The following MYO1B variants were observed in gnomAD, a reference collection of about 807,000 sequenced individuals.
The protein encoded by MYO1B is unconventional myosin-Ib.
In MYO1B, 72 loss-of-function variants were observed where a neutral mutation model predicts 159.7. That is an observed-to-expected ratio of 0.45 (90% CI 0.37 to 0.55). MYO1B has a LOEUF of 0.55. MYO1B is among the 20% of genes least tolerant of loss of function. The pLI, the probability that MYO1B is intolerant of heterozygous loss-of-function variation, is 0.00. For missense variants in MYO1B, 1,062 were observed against 1,364.8 expected, an observed-to-expected ratio of 0.78 and a Z score of 3.50; for synonymous variants, 468 against 473.8, an observed-to-expected ratio of 0.99 and a Z score of 0.16.
In MYO1B at chr2:191,308,941, G is replaced by C. The variant is rs148295511; in HGVS notation, c.251+12715G>C. On this transcript the variant is annotated intron_variant, in intron 3 of 30. Coordinates refer to ENST00000392318, the MANE Select transcript of MYO1B (RefSeq NM_001130158.3). ...GCTGGCTGCTCCATATCCAGCCTCC[G>C]CATTCCCGTGGCAAGTCCAGGGGCT... Among the ~76,000 whole-genome samples the C allele has an allele frequency of 2.6e-5, 4 of 152,180 alleles. No individual in the cohort carries two copies. The South Asian group carries it at 8.3e-4, about 32-fold the overall frequency.
At chr2:191,298,759 G>C (rs1947456) in intron 3 of MYO1B, among the ~76,000 whole-genome samples, 80,502 of 152,012 alleles carry the variant, frequency 0.53, 22,064 homozygotes, top group East Asian at 0.65. Context: ...ATTTCATTCT[G>C]AAAATAATCT....
chr2:191,258,837 T>C (rs893341847), intron 1 of MYO1B, among the ~76,000 whole-genome samples: 2 of 152,224 alleles, frequency 1.3e-5, no homozygotes, highest in Non-Finnish European at 1.5e-5. Context: ...TACTTAGCAC[T>C]GGTTGCCAGT....
rs546740934 is a variant in MYO1B, at chr2:191,325,787, A to T, written c.252-4148A>T. ...ACAGAAATAAGATGGGAGAGGAACA[A>T]AAATACCAGCTAGACAATTGTGAAC... On this transcript the variant is annotated intron_variant, in intron 3 of 30. Transcript: ENST00000392318. Among the ~76,000 whole-genome samples, 5 of 152,288 alleles carry T rather than the reference A, an allele frequency of 3.3e-5. No individual in the cohort carries two copies. In the South Asian group the frequency reaches 1.0e-3, roughly 32 times the overall value.
intron 19 of MYO1B, 51 bp from the exon 20 acceptor site, chr2:191,393,022 C>T: frequency 6.5e-7 from 1 of 1,550,078 alleles, no homozygotes; most frequent in Non-Finnish European, 8.8e-7. Flanking sequence ...TTCCTGTATG[C>T]TGTGAGGTTT....
intron 18 of MYO1B, among the ~76,000 whole-genome samples, chr2:191,390,894 A>G (rs560525103): frequency 1.3e-5 from 2 of 152,236 alleles, no homozygotes; most frequent in Non-Finnish European, 2.9e-5. Flanking sequence ...GCCTATATCT[A>G]TACCAGTTAA....
intron 4 of MYO1B, among the ~76,000 whole-genome samples, chr2:191,330,558 T>G (rs1228895060): frequency 6.6e-6 from 1 of 152,224 alleles, no homozygotes; most frequent in Non-Finnish European, 1.5e-5. Context: ...TTATGCTTTT[T>G]TCCCCTTGTG....
intron 25 of MYO1B, 80 bp from the exon 26 acceptor site, chr2:191,408,964 T>C (rs1697095071): frequency 2.1e-6 from 3 of 1,407,502 alleles, no homozygotes; most frequent in Non-Finnish European, 1.9e-6. Context: ...TTGTCTCGTT[T>C]ATTTGATCAT....
At position 191,392,148 on chromosome 2, in the gene MYO1B, G is replaced by A. The variant is rs200814325; in HGVS notation, c.2023G>A (p.Val675Met). The A allele has an allele frequency of 6.5e-5, 104 of 1,608,700 alleles. No individual in the cohort carries two copies. In the African/African-American group the frequency reaches 1.1e-3, roughly 16 times the overall value. The change falls in exon 19 of 31, where the codon GTG becomes ATG. Residue 675 changes from valine (V) to methionine (M), a missense_variant. By Grantham distance (21) the Val-to-Met change is conservative. Coordinates refer to ENST00000392318, the MANE Select transcript of MYO1B (RefSeq NM_001130158.3). ...CCTATTTAATGAATTAGAAATTCCC[G>A]TGGAAGAATACTCCTTTGGTAGATC... ...EVLFNELEIP[V>M]EEYSFGRSKI...
intron 2 of MYO1B, among the ~76,000 whole-genome samples, chr2:191,289,379 C>T (rs889987696): frequency 1.3e-5 from 2 of 152,226 alleles, no homozygotes; most frequent in Non-Finnish European, 2.9e-5. Flanking sequence ...CTAATGTGGT[C>T]GTATCACTTA....
At chr2:191,252,959 C>T (rs1274841935) in intron 1 of MYO1B, among the ~76,000 whole-genome samples, 1 of 152,098 alleles carries the variant, frequency 6.6e-6, no homozygotes, top group South Asian at 2.1e-4. Context: ...TTGCCCTTTG[C>T]AAATCCTCAA....
At chr2:191,323,748 A>T (rs947566254) in intron 3 of MYO1B, among the ~76,000 whole-genome samples, 2 of 152,176 alleles carry the variant, frequency 1.3e-5, no homozygotes, top group Non-Finnish European at 2.9e-5. Context: ...TCTAAAACAG[A>T]TGTCATCTTC....
chr2:191,274,293 C>T (rs1687625123), intron 1 of MYO1B, among the ~76,000 whole-genome samples: 1 of 152,086 alleles, frequency 6.6e-6, no homozygotes, highest in Non-Finnish European at 1.5e-5. Flanking sequence ...GCACTCTATT[C>T]CTCTTTGGAT....
At chr2:191,301,398 C>G (rs541538459) in intron 3 of MYO1B, among the ~76,000 whole-genome samples, 1 of 148,674 alleles carries the variant, frequency 6.7e-6, no homozygotes, top group African/African-American at 2.4e-5. Context: ...TTGAGCATCC[C>G]TAATCTGAAA....
chr2:191,278,228 CT>C (rs1460098619), intron 2 of MYO1B, among the ~76,000 whole-genome samples: 1 of 152,174 alleles, frequency 6.6e-6, no homozygotes, highest in African/African-American at 2.4e-5. Flanking sequence ...TGAGGACCTG[CT>C]TTCTGGCTCA....
intron 1 of MYO1B, chr2:191,247,953 C>G: frequency 5.1e-6 from 5 of 985,360 alleles, no homozygotes; most frequent in Non-Finnish European, 6.0e-6. Flanking sequence ...GATTGCTGCA[C>G]AGTTATGCAA....
At chr2:191,331,992 C>T (rs549404509) in intron 4 of MYO1B, among the ~76,000 whole-genome samples, 6 of 152,314 alleles carry the variant, frequency 3.9e-5, no homozygotes, top group Admixed American at 1.3e-4. Flanking sequence ...GACAGAGTCT[C>T]GCTCTTATAG....
chr2:191,372,137 A>G (rs1367121983), intron 13 of MYO1B, among the ~76,000 whole-genome samples: 1 of 150,504 alleles, frequency 6.6e-6, no homozygotes, highest in Non-Finnish European at 1.5e-5. Flanking sequence ...AAATGGTTTC[A>G]TGAGCAGGGG....
rs1574671363 is a variant in MYO1B at position 191,424,866 on chromosome 2, G to C, written c.*906G>C. 1 of 152,534 alleles carries C rather than the reference G, an allele frequency of 6.6e-6. No individual in the cohort carries two copies. Among genetic ancestry groups the C allele is most frequent in the South Asian group, 2.1e-4 (1 of 4,822 alleles). The allele number at this position is 152,534 out of a possible 1,614,324, so 9.4% of individuals were successfully genotyped here. A position where few individuals can be genotyped will look rare whatever the true frequency, so the allele number is the denominator to read the frequency against. On this transcript the variant is annotated 3_prime_UTR_variant, in exon 31 of 31. Coordinates refer to ENST00000392318, the MANE Select transcript of MYO1B (RefSeq NM_001130158.3). ...AAAGTAAAGGGCTAAAAGCCATTCAGATAGCAGTAAAACATTCTGTATGAT... is the reference window on the plus strand; with the variant it reads ...AAAGTAAAGGGCTAAAAGCCATTCACATAGCAGTAAAACATTCTGTATGAT...
At chr2:191,260,941 A>G (rs2125689975) in intron 1 of MYO1B, among the ~76,000 whole-genome samples, 1 of 152,356 alleles carries the variant, frequency 6.6e-6, no homozygotes, top group African/African-American at 2.4e-5. Context: ...CAGATTTTTA[A>G]CCTGGTAATA....
Sources: allele counts gnomAD v4.1 joint callset (sites outside exome capture counted in the v4.1 genomes callset), GRCh38; gene constraint gnomAD v4.1.1; transcripts MANE v1.5; gene names NCBI Gene and HGNC (gene_info 2026-07-23, HGNC 2026-07-21).